Variants in IGSF5 observed in about 807,000 individuals in gnomAD.
IGSF5 encodes the protein immunoglobulin superfamily 5 like.
IGSF5 carries 41 observed loss-of-function variants against 39.4 expected under a neutral mutation model. The observed-to-expected ratio is 1.04, with a 90% CI of 0.81 to 1.35. The LOEUF is 1.35. Among genes scored for constraint, IGSF5 ranks in the 40% most tolerant of loss-of-function variants. The pLI is 0.00. For missense variants in IGSF5, 487 were observed against 494.6 expected (o/e 0.98, Z 0.15); for synonymous variants, 183 against 175.3 (o/e 1.04, Z -0.34).
chr21:39,788,528 G>A (rs1361657317), intron 6 of IGSF5, among the ~76,000 whole-genome samples: 1 of 152,242 alleles, frequency 6.6e-6, no homozygotes, highest in African/African-American at 2.4e-5. Flanking sequence ...TGTGGGCGGA[G>A]GCCAGGGCCA....
intron 2 of IGSF5, among the ~76,000 whole-genome samples, chr21:39,762,589 A>G (rs990383403): frequency 1.3e-5 from 2 of 152,326 alleles, no homozygotes; most frequent in East Asian, 1.9e-4. Flanking sequence ...GGATCAGGAA[A>G]AAGTAAGGAA....
chr21:39,748,558 T>C (rs1735147), intron 2 of IGSF5, among the ~76,000 whole-genome samples: 123,754 of 151,544 alleles, frequency 0.82, 50,703 homozygotes, highest in Admixed American at 0.86. Context: ...ATCTGCCCAC[T>C]TTGGCCTCTC....
intron 4 of IGSF5, among the ~76,000 whole-genome samples, chr21:39,774,232 G>T (rs967923335): frequency 2.0e-5 from 3 of 152,240 alleles, no homozygotes; most frequent in Admixed American, 1.3e-4. Flanking sequence ...AGCCTTGGTT[G>T]GCGGAGCTGG....
In IGSF5 at chr21:39,771,010, C is replaced by G; in HGVS notation, c.513C>G (p.Leu171=). 6.2e-7 allele frequency: 1 copy of G among 1,613,664 alleles called. No individual in the cohort carries two copies. Residue 171 remains leucine (L), a synonymous_variant, in exon 4 of 9, where the codon CTC becomes CTG. Coordinates refer to ENST00000380588, the MANE Select transcript of IGSF5 (RefSeq NM_001080444.2). Reference sequence around the variant, plus strand: ...GTCTACCCTCACACTGGACCCGGCTCCCGGATATTTCCTGGGAGCTCGGTC... The same window carrying G: ...GTCTACCCTCACACTGGACCCGGCTGCCGGATATTTCCTGGGAGCTCGGTC... The part of the protein sequence containing the change: ...VTCLPSHWTR[L]PDISWELGLL...
intron 2 of IGSF5, among the ~76,000 whole-genome samples, chr21:39,764,260 A>G (rs931136582): frequency 1.3e-5 from 2 of 152,140 alleles, no homozygotes; most frequent in African/African-American, 4.8e-5. Flanking sequence ...TACACAGGTG[A>G]AGTGCTAATG....
In IGSF5 at chr21:39,802,017, G is replaced by T. The variant is rs190011022; in HGVS notation, c.*660G>T. The T allele has an allele frequency of 6.6e-6, 1 of 152,050 alleles. No individual in the cohort carries two copies. The highest frequency in any genetic ancestry group is 6.6e-5 in the Admixed American group (1 of 15,258). 9.4% of individuals were successfully genotyped at this position (152,050 alleles called of 1,614,324 possible). A position where few individuals can be genotyped will look rare whatever the true frequency, so the allele number is the denominator to read the frequency against. ...GCAGAGGATGGACCTCACCTACTCC[G>T]CACACCGTGAAAAAACTGGAAATGG... On this transcript the variant is annotated 3_prime_UTR_variant, in exon 9 of 9. Transcript: ENST00000380588.
At chr21:39,719,920 A>G in the IGSF5 span, among the ~76,000 whole-genome samples, 1 of 152,262 alleles carries the variant, frequency 6.6e-6, no homozygotes, top group East Asian at 1.9e-4. Flanking sequence ...ATCCTTGGCA[A>G]TTCGACATGT....
At chr21:39,792,210 T>A in intron 7 of IGSF5, 111 bp downstream of exon 7, 1 of 638,764 alleles carries the variant, frequency 1.6e-6, no homozygotes, top group Non-Finnish European at 2.7e-6. Flanking sequence ...ATGGTGGTTA[T>A]TATTTTTTGG....
intron 2 of IGSF5, among the ~76,000 whole-genome samples, chr21:39,761,978 C>A (rs796262256): frequency 7.2e-5 from 11 of 152,278 alleles, no homozygotes; most frequent in African/African-American, 2.6e-4. Flanking sequence ...GAAAGGGAAT[C>A]TTTTCAATGG....
intron 2 of IGSF5, among the ~76,000 whole-genome samples, chr21:39,756,561 G>A (rs1387351080): frequency 2.6e-5 from 4 of 152,166 alleles, no homozygotes; most frequent in Admixed American, 2.0e-4. Flanking sequence ...GACGAGACTC[G>A]CAGGGCTGTG....
chr21:39,752,263 T>G (rs1475711415), intron 2 of IGSF5, among the ~76,000 whole-genome samples: 1 of 152,222 alleles, frequency 6.6e-6, no homozygotes, highest in African/African-American at 2.4e-5. Context: ...CATATGATGT[T>G]TGGTTTTCCA....
At chr21:39,741,194 A>G (rs432185), upstream of IGSF5, among the ~76,000 whole-genome samples, 120,824 of 152,096 alleles carry the variant, frequency 0.79, 48,375 homozygotes, top group Admixed American at 0.85. Context: ...TCTTTAGGGC[A>G]TGGAAAGCTG....
chr21:39,787,439 C>A (rs565714517), intron 5 of IGSF5, among the ~76,000 whole-genome samples: 1 of 151,816 alleles, frequency 6.6e-6, no homozygotes, highest in African/African-American at 2.4e-5. Flanking sequence ...GCTTTTGGGA[C>A]AAAAGGTTGG....
chr21:39,716,726 A>T, the IGSF5 span, among the ~76,000 whole-genome samples: 2 of 152,196 alleles, frequency 1.3e-5, no homozygotes, highest in Admixed American at 1.3e-4. Flanking sequence ...TATGTACCAC[A>T]TTTTCTTTAT....
chr21:39,770,830 TAAAAA>T, intron 3 of IGSF5, 81 bp from the exon 4 acceptor site: 1 of 832,918 alleles, frequency 1.2e-6, no homozygotes, highest in East Asian at 4.1e-5. Context: ...AAGCAAAACT[TAAAAA>T]AAAAAAGAAA....
At chr21:39,784,578 G>A (rs1383691153) in intron 5 of IGSF5, among the ~76,000 whole-genome samples, 3 of 152,094 alleles carry the variant, frequency 2.0e-5, no homozygotes, top group Admixed American at 2.0e-4. Flanking sequence ...ACTTTGAGAT[G>A]AAAAGCCTTT....
the IGSF5 span, among the ~76,000 whole-genome samples, chr21:39,717,620 T>C: frequency 6.6e-6 from 1 of 152,234 alleles, no homozygotes; most frequent in South Asian, 2.1e-4. Context: ...TTGCTTGCTT[T>C]TGTCAACTTT....
chr21:39,712,333 C>T, the IGSF5 span, among the ~76,000 whole-genome samples: 1 of 152,114 alleles, frequency 6.6e-6, no homozygotes, highest in East Asian at 1.9e-4. Context: ...GAAGCGGGTC[C>T]CTGGGTCCAA....
intron 4 of IGSF5, among the ~76,000 whole-genome samples, chr21:39,777,129 G>A (rs981372253): frequency 6.6e-6 from 1 of 152,170 alleles, no homozygotes; most frequent in Non-Finnish European, 1.5e-5. Flanking sequence ...GAAACCTAAA[G>A]TTCTCGCTCA....
Sources: gnomAD v4.1 joint callset for allele counts (sites outside exome capture counted in the v4.1 genomes callset) on GRCh38, gnomAD v4.1.1 for gene constraint, MANE v1.5 for transcripts, NCBI Gene and HGNC (gene_info 2026-07-23, HGNC 2026-07-21) for gene names.